The following NOX4 variants were observed in gnomAD, a reference collection of about 807,000 sequenced individuals.
NOX4 encodes the protein NADPH oxidase 4.
A neutral mutation model predicts 87.6 loss-of-function variants in NOX4; 69 were observed. The observed-to-expected ratio is 0.79, with a 90% CI of 0.65 to 0.96. The LOEUF (loss-of-function observed/expected upper bound fraction) is 0.96, where lower values mean the gene tolerates loss of function less well. Ranked by LOEUF, NOX4 falls within the 40% of genes least tolerant of loss-of-function variation. NOX4 has a pLI of 0.00. For synonymous variants in NOX4, 275 were observed against 238.2 expected (o/e 1.15, Z -1.42); for missense variants, 680 against 681.5 (o/e 1.00, Z 0.02).
the NOX4 span, among the ~76,000 whole-genome samples, chr11:89,541,333 G>GT: frequency 6.6e-6 from 1 of 152,050 alleles, no homozygotes. Flanking sequence ...CCTAAGAAGA[G>GT]TTTTTTTCCC....
chr11:89,476,163 T>C (rs1946159476), intron 2 of NOX4, among the ~76,000 whole-genome samples: 1 of 152,108 alleles, frequency 6.6e-6, no homozygotes, highest in Non-Finnish European at 1.5e-5. Context: ...ACTTTTTTAT[T>C]TACCTGTCTT....
the NOX4 span, among the ~76,000 whole-genome samples, chr11:89,575,467 G>C: frequency 2.0e-5 from 3 of 149,702 alleles, no homozygotes; most frequent in Non-Finnish European, 2.9e-5. Context: ...GAGAAATTGA[G>C]TAAAATAATC....
chr11:89,588,574 G>A, the NOX4 span, among the ~76,000 whole-genome samples: 4 of 152,204 alleles, frequency 2.6e-5, no homozygotes, highest in African/African-American at 9.6e-5. Context: ...ACAGGTCAAT[G>A]TGGGGTGAAA....
At chr11:89,404,717 G>C (rs1033759155) in intron 8 of NOX4, among the ~76,000 whole-genome samples, 1 of 152,078 alleles carries the variant, frequency 6.6e-6, no homozygotes, top group Middle Eastern at 3.2e-3. Flanking sequence ...CAAATTCTAT[G>C]CTCTTCACCT....
intron 12 of NOX4, among the ~76,000 whole-genome samples, chr11:89,369,527 A>G (rs964048483): frequency 6.6e-6 from 1 of 152,112 alleles, no homozygotes; most frequent in Non-Finnish European, 1.5e-5. Flanking sequence ...TTATTAGCCA[A>G]AGTTAATAGT....
intron 2 of NOX4, among the ~76,000 whole-genome samples, chr11:89,457,480 G>C (rs534954943): frequency 2.0e-5 from 3 of 152,284 alleles, no homozygotes; most frequent in Admixed American, 2.0e-4. Context: ...GTTGTGGCCA[G>C]TAGACTGGGA....
chr11:89,513,330 A>T, the NOX4 span, among the ~76,000 whole-genome samples: 1 of 151,988 alleles, frequency 6.6e-6, no homozygotes, highest in Admixed American at 6.6e-5. Flanking sequence ...AAAAAAAAAA[A>T]AATCACATTC....
At position 89,342,209 on chromosome 11, in the gene NOX4, A is replaced by C; in HGVS notation, c.1218-16T>G. 6 of 1,587,406 alleles carry C rather than the reference A, an allele frequency of 3.8e-6. No individual in the cohort carries two copies. Among genetic ancestry groups the C allele is most frequent in the South Asian group, 1.1e-5 (1 of 87,318 alleles). ...AATATACAGCCTGTAGAGCAGTCAG[A>C]AAAAGGTGGGAAAAAAATGAAAATA... On this transcript the variant is annotated splice_polypyrimidine_tract_variant and intron_variant, in intron 13 of 17. Transcript: ENST00000263317.
At chr11:89,530,344 C>CT in the NOX4 span, among the ~76,000 whole-genome samples, 2,047 of 127,798 alleles carry the variant, frequency 0.016, 71 homozygotes, top group African/African-American at 0.046. Context: ...GATGTCTATT[C>CT]TTTTTTTTTT....
At chr11:89,360,928 C>CAATTAAA (rs1467495233) in intron 12 of NOX4, among the ~76,000 whole-genome samples, 3 of 151,822 alleles carry the variant, frequency 2.0e-5, no homozygotes, top group African/African-American at 7.3e-5. Flanking sequence ...AGAATGGCCA[C>CAATTAAA]AATTAAAAAG....
intron 2 of NOX4, among the ~76,000 whole-genome samples, chr11:89,455,175 C>A (rs1194462198): frequency 6.6e-6 from 1 of 152,068 alleles, no homozygotes; most frequent in Non-Finnish European, 1.5e-5. Flanking sequence ...TCATGAGTTA[C>A]CCCTATAGTC....
intron 2 of NOX4, among the ~76,000 whole-genome samples, chr11:89,486,584 ATATATGTGTATATATACATATATATG>A (rs1377927398): frequency 0.031 from 4,154 of 134,536 alleles, 607 homozygotes; most frequent in African/African-American, 0.12. Context: ...ATATGTGTGT[ATATATGTGTATATATACATATATATG>A]TGTGTATATA....
In NOX4 at chr11:89,395,590, C is replaced by G. The variant is rs754268260; in HGVS notation, c.1074+4427G>C. On this transcript the variant is annotated intron_variant, in intron 11 of 17. Transcript: ENST00000263317. ...TGAAGTCCTTGCCCATGCCTATGTC[C>G]TGAATGGTATTGCCTAGGTTTTCTT... 1.5e-3 allele frequency among the ~76,000 whole-genome samples: 236 copies of G among 152,258 alleles called. 10 individuals carry two copies. The highest frequency in any genetic ancestry group is 0.01 in the Middle Eastern group (3 of 294).
At chr11:89,408,706 G>A (rs1216535104) in intron 8 of NOX4, among the ~76,000 whole-genome samples, 1 of 152,168 alleles carries the variant, frequency 6.6e-6, no homozygotes, top group Non-Finnish European at 1.5e-5. Context: ...TACTGGTGGG[G>A]TGGTCCAAGC....
At chr11:89,499,505 A>C (rs1946995383), upstream of NOX4, among the ~76,000 whole-genome samples, 1 of 152,184 alleles carries the variant, frequency 6.6e-6, no homozygotes, top group Non-Finnish European at 1.5e-5. Context: ...TAAATAAATA[A>C]ACAAATAAAC....
chr11:89,376,961 G>A (rs1372847390), intron 11 of NOX4, among the ~76,000 whole-genome samples: 1 of 152,168 alleles, frequency 6.6e-6, no homozygotes, highest in African/African-American at 2.4e-5. Context: ...GGGAAGCTGA[G>A]GCAGGAGAAT....
the NOX4 span, among the ~76,000 whole-genome samples, chr11:89,547,236 G>A: frequency 2.0e-5 from 3 of 152,056 alleles, no homozygotes; most frequent in Non-Finnish European, 2.9e-5. Context: ...ATCACATGGG[G>A]GGGGACAATT....
In NOX4 at chr11:89,471,002, A is replaced by T. The variant is rs373105609; in HGVS notation, c.154-19107T>A. On this transcript the variant is annotated intron_variant, in intron 2 of 17. Coordinates refer to ENST00000263317, the MANE Select transcript of NOX4 (RefSeq NM_016931.5). ...TGGACTCTTTATTAATCTTTCAGTC[A>T]CAAAGAAAGTGAAGAAAGTGTCCGA... Among the ~76,000 whole-genome samples the T allele has an allele frequency of 2.4e-4, 37 of 152,248 alleles. No homozygotes were observed. In the East Asian group the frequency reaches 5.8e-3, roughly 24 times the overall value.
chr11:89,488,979 G>T (rs916711986), intron 2 of NOX4: 4 of 702,562 alleles, frequency 5.7e-6, no homozygotes, highest in Non-Finnish European at 1.0e-5. Flanking sequence ...AAATGTATAG[G>T]TTTCAAGACA....
Sources: allele counts gnomAD v4.1 joint callset (sites outside exome capture counted in the v4.1 genomes callset), GRCh38; gene constraint gnomAD v4.1.1; transcripts MANE v1.5; gene names NCBI Gene and HGNC (gene_info 2026-07-23, HGNC 2026-07-21).